The following FUT8 variants were observed in gnomAD, a reference collection of about 807,000 sequenced individuals.
FUT8 encodes the protein alpha-(1,6)-fucosyltransferase.
Under a neutral mutation model 71.3 loss-of-function variants are expected in FUT8, and 29 were observed. The ratio of observed to expected loss-of-function variants is 0.41; its 90% confidence interval spans 0.30 to 0.55. The LOEUF is 0.55. Ranked by LOEUF, FUT8 falls within the 20% of genes least tolerant of loss-of-function variation. The pLI, the probability that FUT8 is intolerant of heterozygous loss-of-function variation, is 0.34. For missense variants in FUT8, 544 were observed against 702.1 expected, an observed-to-expected ratio of 0.77 and a Z score of 2.55; for synonymous variants, 254 against 239.3, an observed-to-expected ratio of 1.06 and a Z score of -0.57.
intron 3 of FUT8, among the ~76,000 whole-genome samples, chr14:65,588,057 A>G (rs112895893): frequency 1.4e-4 from 22 of 152,330 alleles, no homozygotes; most frequent in African/African-American, 5.3e-4. Context: ...ACCCCAGCAA[A>G]TATTTACAGA....
At chr14:65,665,416 A>G (rs906810650) in intron 6 of FUT8, among the ~76,000 whole-genome samples, 2 of 152,154 alleles carry the variant, frequency 1.3e-5, no homozygotes, top group African/African-American at 4.8e-5. Context: ...GCATGTTCTG[A>G]GTGATGAATA....
At chr14:65,552,631 C>T (rs1885353538) in intron 2 of FUT8, among the ~76,000 whole-genome samples, 1 of 152,206 alleles carries the variant, frequency 6.6e-6, no homozygotes, top group African/African-American at 2.4e-5. Flanking sequence ...GAGACTGCAG[C>T]TCATTGTCAT....
At chr14:65,622,685 G>A (rs1889678457) in intron 5 of FUT8, among the ~76,000 whole-genome samples, 1 of 152,116 alleles carries the variant, frequency 6.6e-6, no homozygotes, top group Non-Finnish European at 1.5e-5. Flanking sequence ...CTGTCTCCTG[G>A]TCACATTTTT....
chr14:65,628,634 A>T (rs1400450936), intron 5 of FUT8, among the ~76,000 whole-genome samples: 2 of 152,224 alleles, frequency 1.3e-5, no homozygotes, highest in East Asian at 3.8e-4. Flanking sequence ...CATAATTTTT[A>T]TTTAATGCAA....
At chr14:65,729,712 C>T (rs1327772527) in intron 9 of FUT8, among the ~76,000 whole-genome samples, 2 of 152,068 alleles carry the variant, frequency 1.3e-5, no homozygotes, top group African/African-American at 4.8e-5. Context: ...TGATCCATAG[C>T]ACAGCATGAC....
chr14:65,529,056 A>C (rs1162454061), intron 2 of FUT8: 1 of 162,354 alleles, frequency 6.2e-6, no homozygotes, highest in East Asian at 1.9e-4. Context: ...GTATTTATTC[A>C]CTTCTTTTTT....
At chr14:65,742,048 G>A (rs1350970838) in intron 10 of FUT8, 45 bp from the exon 11 acceptor site, 1 of 1,515,456 alleles carries the variant, frequency 6.6e-7, no homozygotes. Flanking sequence ...TGCTGTGAAG[G>A]AGAGTGTTTA....
At chr14:65,441,344 A>G (rs1462623874) in intron 1 of FUT8, among the ~76,000 whole-genome samples, 1 of 152,226 alleles carries the variant, frequency 6.6e-6, no homozygotes, top group Non-Finnish European at 1.5e-5. Context: ...GTTTTCACAA[A>G]TTTTAGAAAA....
chr14:65,412,344 C>T (rs1233193660), upstream of FUT8: 1 of 455,968 alleles, frequency 2.2e-6, no homozygotes, highest in East Asian at 7.0e-5. Context: ...CGGGTGCCCC[C>T]TAGGGCCGCC....
chr14:65,719,281 G>C lies in FUT8; in HGVS notation c.836-2494G>C, dbSNP rs146758593. The stretch of plus-strand genomic sequence containing the variant: ...ATGTCAGCTGCATTTTTCAACCCCA[G>C]AATTTCTGCTTGATTCCTTTTAATT... On this transcript the variant is annotated intron_variant, in intron 7 of 10. Coordinates refer to ENST00000673929, the MANE Select transcript of FUT8 (RefSeq NM_001371533.1). Among the ~76,000 whole-genome samples the C allele has an allele frequency of 6.6e-5, 10 of 151,984 alleles. No individual in the cohort carries two copies. In the East Asian group the frequency reaches 1.9e-3, roughly 30 times the overall value.
At chr14:65,630,981 A>T (rs763900759) in intron 6 of FUT8, among the ~76,000 whole-genome samples, 1 of 152,210 alleles carries the variant, frequency 6.6e-6, no homozygotes, top group Non-Finnish European at 1.5e-5. Flanking sequence ...TTTAAGGTGC[A>T]CATTTTTCTA....
intron 3 of FUT8, among the ~76,000 whole-genome samples, chr14:65,611,812 C>T (rs951808959): frequency 2.6e-5 from 4 of 152,122 alleles, no homozygotes; most frequent in Non-Finnish European, 4.4e-5. Context: ...AGACGTCTGC[C>T]ACCATGCCTG....
chr14:65,468,142 G>T (rs997592958), intron 2 of FUT8: 4 of 637,918 alleles, frequency 6.3e-6, no homozygotes, highest in Non-Finnish European at 1.2e-5. Context: ...AGCATGTTGG[G>T]TAACACTGCA....
chr14:65,690,351 T>C (rs752772796), intron 7 of FUT8, among the ~76,000 whole-genome samples: 4 of 152,202 alleles, frequency 2.6e-5, no homozygotes. Context: ...TTCAATGTTA[T>C]ATTAACTCTT....
chr14:65,736,671 T>C (rs77495185), intron 10 of FUT8, among the ~76,000 whole-genome samples: 4,458 of 152,092 alleles, frequency 0.029, 215 homozygotes, highest in African/African-American at 0.1. Flanking sequence ...CTTCAGACTT[T>C]CCTATATATG....
At chr14:65,395,303 C>G in the FUT8 span, among the ~76,000 whole-genome samples, 1 of 152,220 alleles carries the variant, frequency 6.6e-6, no homozygotes, top group African/African-American at 2.4e-5. Flanking sequence ...CTCCACTAGG[C>G]AGTGCCCCAG....
At chr14:65,575,835 A>T (rs139290531) in intron 3 of FUT8, among the ~76,000 whole-genome samples, 1,834 of 152,118 alleles carry the variant, frequency 0.012, 15 homozygotes, top group Middle Eastern at 0.024. Context: ...GGCCAGGCTG[A>T]TCTCGAACTC....
chr14:65,363,303 G>A, the FUT8 span, among the ~76,000 whole-genome samples: 1 of 50,064 alleles, frequency 2.0e-5, no homozygotes, highest in Admixed American at 2.5e-4. Context: ...TGTATTTTTA[G>A]TAGAGATGGG....
At chr14:65,383,890 T>C in the FUT8 span, among the ~76,000 whole-genome samples, 1 of 150,850 alleles carries the variant, frequency 6.6e-6, no homozygotes, top group Non-Finnish European at 1.5e-5. Flanking sequence ...GGCCCAAAGG[T>C]CCCATGGGAT....
Sources: gnomAD v4.1 joint callset for allele counts (sites outside exome capture counted in the v4.1 genomes callset) on GRCh38, gnomAD v4.1.1 for gene constraint, MANE v1.5 for transcripts, NCBI Gene and HGNC (gene_info 2026-07-23, HGNC 2026-07-21) for gene names.